Variants in USP53 observed in about 807,000 individuals in gnomAD.
USP53 encodes the protein ubiquitin carboxyl-terminal hydrolase 53.
In USP53, 71 loss-of-function variants were observed where a neutral mutation model predicts 94.9. That is an observed-to-expected ratio of 0.75 (90% CI 0.62 to 0.91). USP53 has a LOEUF of 0.91. Ranked by LOEUF, USP53 falls within the 40% of genes least tolerant of loss-of-function variation. The pLI is 0.00. For synonymous variants in USP53, 375 were observed against 422.7 expected (o/e 0.89, Z 1.39); for missense variants, 1,173 against 1,281.0 (o/e 0.92, Z 1.29).
chr4:119,227,199 G>C (rs553559412), intron 3 of USP53, among the ~76,000 whole-genome samples: 1 of 144,346 alleles, frequency 6.9e-6, no homozygotes, highest in Non-Finnish European at 1.5e-5. Flanking sequence ...TTTAAAAAAT[G>C]GTGCTGGAAA....
At chr4:119,286,837 T>A (rs1197255645) in intron 17 of USP53, among the ~76,000 whole-genome samples, 1 of 152,074 alleles carries the variant, frequency 6.6e-6, no homozygotes, top group Non-Finnish European at 1.5e-5. Context: ...CATCTTTTTT[T>A]AATCATAAAA....
chr4:119,251,602 A>G (rs1329150928), intron 7 of USP53, among the ~76,000 whole-genome samples: 3 of 145,914 alleles, frequency 2.1e-5, no homozygotes, highest in Non-Finnish European at 1.5e-5. Context: ...AGTTTTCTAA[A>G]TATACAATCA....
chr4:119,239,350 A>G lies in USP53; in HGVS notation c.-410A>G. The G allele has an allele frequency of 5.9e-6, 1 of 168,694 alleles. No individual in the cohort carries two copies. Among genetic ancestry groups the G allele is most frequent in the Non-Finnish European group, 1.3e-5 (1 of 79,326 alleles). The allele number at this position is 168,694 out of a possible 1,614,324, so 10.4% of individuals were successfully genotyped here. ...AACCAAAGGAATCATGCCAAATGCC[A>G]ACTCTACATCTTTTTGTATTATTAA... On this transcript the variant is annotated 5_prime_UTR_variant, in exon 5 of 19. Coordinates refer to ENST00000692078, the MANE Select transcript of USP53 (RefSeq NM_001371395.1).
intron 3 of USP53, among the ~76,000 whole-genome samples, chr4:119,232,272 G>A (rs181662978): frequency 4.3e-4 from 65 of 152,074 alleles, no homozygotes; most frequent in African/African-American, 1.4e-3. Flanking sequence ...TATCTTTAAC[G>A]ATCACCCCTC....
chr4:119,278,142 T>G (rs1478431147), intron 17 of USP53, among the ~76,000 whole-genome samples: 12 of 149,868 alleles, frequency 8.0e-5, no homozygotes, highest in Non-Finnish European at 1.6e-4. Context: ...ATCCTGTCAT[T>G]ATGATGTTAG....
intron 3 of USP53, among the ~76,000 whole-genome samples, chr4:119,232,495 C>T (rs1746197818): frequency 6.6e-6 from 1 of 152,058 alleles, no homozygotes; most frequent in East Asian, 1.9e-4. Flanking sequence ...AATAGTATTC[C>T]ACTGTATGAA....
chr4:119,285,332 T>C (rs1378250745), intron 17 of USP53, among the ~76,000 whole-genome samples: 3 of 151,856 alleles, frequency 2.0e-5, no homozygotes, highest in Non-Finnish European at 4.4e-5. Context: ...GGTAAGTACA[T>C]AGTAGGTTAG....
At chr4:119,226,299 A>G (rs963264742) in intron 3 of USP53, among the ~76,000 whole-genome samples, 1 of 152,224 alleles carries the variant, frequency 6.6e-6, no homozygotes, top group Admixed American at 6.5e-5. Flanking sequence ...TTGGCATTGT[A>G]CAGGACGTCC....
intron 3 of USP53, among the ~76,000 whole-genome samples, chr4:119,229,546 A>G (rs1745775434): frequency 1.3e-5 from 2 of 152,204 alleles, no homozygotes; most frequent in Admixed American, 6.5e-5. Flanking sequence ...TTGAGTTGGT[A>G]TAACAGTCCT....
chr4:119,224,363 A>G (rs558392817), intron 3 of USP53, among the ~76,000 whole-genome samples: 1 of 152,362 alleles, frequency 6.6e-6, no homozygotes, highest in African/African-American at 2.4e-5. Context: ...ATGTTTTATT[A>G]TATTACACAG....
At chr4:119,285,239 T>C (rs946416387) in intron 17 of USP53, among the ~76,000 whole-genome samples, 2 of 151,852 alleles carry the variant, frequency 1.3e-5, no homozygotes, top group African/African-American at 4.8e-5. Context: ...TACTGATTAG[T>C]GTGTATTTGT....
At chr4:119,216,030 T>G (rs1167395251) in intron 2 of USP53, among the ~76,000 whole-genome samples, 1 of 152,236 alleles carries the variant, frequency 6.6e-6, no homozygotes, top group Admixed American at 6.5e-5. Flanking sequence ...ATAAACATTA[T>G]TGACCTCCTA....
intron 17 of USP53, among the ~76,000 whole-genome samples, chr4:119,283,800 G>T (rs1479962137): frequency 6.6e-6 from 1 of 151,780 alleles, no homozygotes; most frequent in African/African-American, 2.4e-5. Context: ...TTATCATCTA[G>T]GTAAACAGCA....
intron 17 of USP53, among the ~76,000 whole-genome samples, chr4:119,278,025 G>C (rs1379084365): frequency 6.8e-6 from 1 of 146,338 alleles, no homozygotes; most frequent in Non-Finnish European, 1.5e-5. Context: ...CCTGAATACA[G>C]CACACTGATG....
intron 6 of USP53, among the ~76,000 whole-genome samples, chr4:119,247,031 A>G (rs137866665): frequency 1.3e-5 from 2 of 152,016 alleles, no homozygotes; most frequent in Admixed American, 1.3e-4. Flanking sequence ...AAGAAATTTT[A>G]TATTCTCTTT....
Position 119,280,276 on chromosome 4 carries a change from C to A in USP53, c.2251+6568C>A, listed in dbSNP as rs1330059180. ...GCATTTTAAGTGTCCACATTAGGGA[C>A]CCTTGAACACATTGCTTTTGATACT... is the stretch of plus-strand genomic sequence containing the variant. On this transcript the variant is annotated intron_variant, in intron 17 of 18. Transcript: ENST00000692078. Among the ~76,000 whole-genome samples, 4 of 151,140 alleles carry A rather than the reference C, an allele frequency of 2.6e-5. No individual in the cohort carries two copies. The East Asian group carries it at 5.8e-4, about 22-fold the overall frequency.
chr4:119,218,473 T>C lies in USP53; in HGVS notation c.-665+800T>C, dbSNP rs1355791162. ...CATGAAATATAGCACGGTTTTTTGT[T>C]AGACACAAAGAAATAGAGCAAAAAA... On this transcript the variant is annotated intron_variant, in intron 3 of 18. Transcript: ENST00000692078. 2.0e-5 allele frequency: 3 copies of C among 152,238 alleles called. No homozygotes were observed. In the East Asian group the frequency reaches 5.8e-4, roughly 29 times the overall value. 9.4% of individuals were successfully genotyped at this position (152,238 alleles called of 1,614,324 possible).
chr4:119,239,725 GT>G lies in USP53; in HGVS notation c.-30del. Reference sequence around the variant, plus strand: ...CCAAAATATTACATAAAAGTGTACAGTTTTTAGCCTAAATGCAAACAAAGTT... The same window carrying G: ...CCAAAATATTACATAAAAGTGTACAGTTTTAGCCTAAATGCAAACAAAGTT... On this transcript the variant is annotated 5_prime_UTR_variant, in exon 5 of 19. Coordinates refer to ENST00000692078, the MANE Select transcript of USP53 (RefSeq NM_001371395.1). The G allele has an allele frequency of 6.3e-7, 1 of 1,587,244 alleles. No individual in the cohort carries two copies. Among genetic ancestry groups the G allele is most frequent in the Non-Finnish European group, 8.6e-7 (1 of 1,167,818 alleles).
At chr4:119,222,368 CTG>C (rs1744664739) in intron 3 of USP53, among the ~76,000 whole-genome samples, 1 of 152,318 alleles carries the variant, frequency 6.6e-6, no homozygotes, top group African/African-American at 2.4e-5. Flanking sequence ...TGTTTAGTCA[CTG>C]TGTTGTGCTA....
Sources: allele counts gnomAD v4.1 joint callset (sites outside exome capture counted in the v4.1 genomes callset), GRCh38; gene constraint gnomAD v4.1.1; transcripts MANE v1.5; gene names NCBI Gene and HGNC (gene_info 2026-07-23, HGNC 2026-07-21).